Variants in AK7 observed in about 807,000 individuals in gnomAD.
AK7 encodes the protein ATP-AMP transphosphorylase 7.
A neutral mutation model predicts 96.6 loss-of-function variants in AK7; 78 were observed. The observed-to-expected ratio is 0.81, with a 90% CI of 0.67 to 0.97. AK7 has a LOEUF of 0.97. Among genes scored for constraint, AK7 ranks in the 50% least tolerant of loss-of-function variants. The pLI is 0.00. For missense variants in AK7, 855 were observed against 887.9 expected (o/e 0.96, Z 0.47); for synonymous variants, 302 against 317.2 (o/e 0.95, Z 0.51).
chr14:96,425,903 T>C (rs1892002317), intron 5 of AK7, among the ~76,000 whole-genome samples: 1 of 152,228 alleles, frequency 6.6e-6, no homozygotes, highest in Non-Finnish European at 1.5e-5. Context: ...TGTGTGTCTT[T>C]ACAGGTAGAG....
intron 17 of AK7, among the ~76,000 whole-genome samples, 163 bp downstream of exon 17, chr14:96,487,219 C>CA (rs755105036): frequency 0.043 from 4,751 of 109,346 alleles, 122 homozygotes; most frequent in African/African-American, 0.081. Flanking sequence ...ACTAAAAATA[C>CA]AAAAAAAAAA....
intron 9 of AK7, 26 bp from the exon 10 acceptor site, chr14:96,451,395 A>T: frequency 6.6e-7 from 1 of 1,521,252 alleles, no homozygotes; most frequent in East Asian, 2.4e-5. Context: ...AAAAAGACAA[A>T]TCTCTAATTG....
intron 12 of AK7, among the ~76,000 whole-genome samples, chr14:96,459,019 A>G (rs1443830891): frequency 6.7e-6 from 1 of 149,100 alleles, no homozygotes; most frequent in East Asian, 2.1e-4. Flanking sequence ...TGTTGGTAGG[A>G]TGGGGAAGAA....
intron 5 of AK7, among the ~76,000 whole-genome samples, chr14:96,431,745 G>A (rs930879424): frequency 2.0e-5 from 3 of 152,178 alleles, no homozygotes; most frequent in African/African-American, 7.2e-5. Context: ...TGATTTGTTT[G>A]TGGAGAGTTC....
At chr14:96,431,527 CAT>C (rs1461609699) in intron 5 of AK7, among the ~76,000 whole-genome samples, 3 of 152,168 alleles carry the variant, frequency 2.0e-5, no homozygotes, top group Non-Finnish European at 4.4e-5. Flanking sequence ...ACCCAGTAGT[CAT>C]TCAGGAGCAG....
At chr14:96,412,247 A>G (rs1891079094) in intron 4 of AK7, among the ~76,000 whole-genome samples, 1 of 87,640 alleles carries the variant, frequency 1.1e-5, no homozygotes, top group Admixed American at 1.5e-4. Flanking sequence ...TTTTTTTTTG[A>G]GATGAAGTCT....
Position 96,471,617 on chromosome 14 carries a change from G to A in AK7, c.1486+11G>A, listed in dbSNP as rs548445499. On this transcript the variant is annotated intron_variant, in intron 13 of 17. Coordinates refer to ENST00000267584, the MANE Select transcript of AK7 (RefSeq NM_152327.5). Reference sequence around the variant, plus strand: ...AAGACCTGTTCAATCGTAAGTTTGAGTGTTCTATTTTGAGTATTTATATTC... The same window carrying A: ...AAGACCTGTTCAATCGTAAGTTTGAATGTTCTATTTTGAGTATTTATATTC... 1 of 1,533,686 alleles carries A rather than the reference G, an allele frequency of 6.5e-7. No individual in the cohort carries two copies. Among genetic ancestry groups the A allele is most frequent in the Non-Finnish European group, 8.7e-7 (1 of 1,144,086 alleles).
intron 12 of AK7, among the ~76,000 whole-genome samples, chr14:96,470,399 A>C (rs1280878266): frequency 6.6e-6 from 1 of 152,198 alleles, no homozygotes; most frequent in East Asian, 1.9e-4. Context: ...ACATTACTAT[A>C]ATGTACACAT....
At chr14:96,427,657 T>C (rs1892106395) in intron 5 of AK7, among the ~76,000 whole-genome samples, 1 of 152,220 alleles carries the variant, frequency 6.6e-6, no homozygotes, top group Non-Finnish European at 1.5e-5. Context: ...GTTGATATCT[T>C]TCTCTAGATT....
At chr14:96,469,984 ATTTTGTATT>A (rs1167309100) in intron 12 of AK7, among the ~76,000 whole-genome samples, 1 of 151,820 alleles carries the variant, frequency 6.6e-6, no homozygotes. Flanking sequence ...CGCCCGGCTA[ATTTTGTATT>A]TTTAGTAGAG....
chr14:96,438,650 C>T (rs1421570549), intron 6 of AK7, among the ~76,000 whole-genome samples: 2 of 152,128 alleles, frequency 1.3e-5, no homozygotes, highest in East Asian at 3.8e-4. Context: ...CCTGGTAGCC[C>T]CTCGTGAAGC....
chr14:96,472,400 C>T (rs1009252683), intron 13 of AK7, among the ~76,000 whole-genome samples: 1 of 152,366 alleles, frequency 6.6e-6, no homozygotes, highest in South Asian at 2.1e-4. Flanking sequence ...GGTGATCCTA[C>T]TGCCTTGGCC....
intron 5 of AK7, among the ~76,000 whole-genome samples, chr14:96,437,130 G>A (rs1892682399): frequency 6.6e-6 from 1 of 151,846 alleles, no homozygotes; most frequent in Admixed American, 6.6e-5. Context: ...GAATGAATAA[G>A]ACCTACTATT....
intron 8 of AK7, among the ~76,000 whole-genome samples, chr14:96,447,632 T>G: frequency 6.6e-6 from 1 of 150,960 alleles, no homozygotes; most frequent in Non-Finnish European, 1.5e-5. Context: ...AAGTTTGTTT[T>G]TAATGTTTTA....
chr14:96,396,516 G>A (rs888423805), intron 1 of AK7, among the ~76,000 whole-genome samples: 8 of 152,166 alleles, frequency 5.3e-5, no homozygotes, highest in African/African-American at 1.9e-4. Flanking sequence ...ATTTACTTGG[G>A]AGAAAAATAT....
chr14:96,454,210 T>C (rs1056759111), intron 10 of AK7, among the ~76,000 whole-genome samples: 1 of 152,198 alleles, frequency 6.6e-6, no homozygotes, highest in Non-Finnish European at 1.5e-5. Context: ...TTATATAATC[T>C]GTAAGCATAC....
At chr14:96,447,316 T>C (rs1286797149) in intron 8 of AK7, among the ~76,000 whole-genome samples, 1 of 152,192 alleles carries the variant, frequency 6.6e-6, no homozygotes, top group East Asian at 1.9e-4. Flanking sequence ...TTTATTTGTT[T>C]ATTTACTTAT....
chr14:96,422,911 TATG>T (rs1161052362), intron 5 of AK7, among the ~76,000 whole-genome samples: 3 of 152,172 alleles, frequency 2.0e-5, no homozygotes, highest in African/African-American at 7.2e-5. Flanking sequence ...GCTGAAAAAT[TATG>T]ATGATGATGA....
chr14:96,447,834 G>A (rs1190646941), intron 8 of AK7, among the ~76,000 whole-genome samples: 1 of 152,128 alleles, frequency 6.6e-6, no homozygotes, highest in Non-Finnish European at 1.5e-5. Context: ...AGTCCAGGCT[G>A]CTCTGGCTAA....
Sources: allele counts gnomAD v4.1 joint callset (sites outside exome capture counted in the v4.1 genomes callset), GRCh38; gene constraint gnomAD v4.1.1; transcripts MANE v1.5; gene names NCBI Gene and HGNC (gene_info 2026-07-23, HGNC 2026-07-21).